RPTOR: variants seen among roughly 807,000 people sequenced by gnomAD.
RPTOR encodes the protein regulatory-associated protein of mTOR.
Under a neutral mutation model 169.9 loss-of-function variants are expected in RPTOR, and 21 were observed. The observed-to-expected ratio is 0.12, with a 90% CI of 0.09 to 0.18. The LOEUF (loss-of-function observed/expected upper bound fraction) is 0.18. RPTOR is among the 10% of genes least tolerant of loss of function. RPTOR has a pLI of 1.00. For missense variants in RPTOR, 1,133 were observed against 1,855.9 expected, an observed-to-expected ratio of 0.61 and a Z score of 7.16; for synonymous variants, 732 against 753.2, an observed-to-expected ratio of 0.97 and a Z score of 0.46.
At chr17:80,910,335 T>G (rs2068596869) in intron 21 of RPTOR, among the ~76,000 whole-genome samples, 3 of 152,186 alleles carry the variant, frequency 2.0e-5, no homozygotes, top group African/African-American at 7.2e-5. Context: ...AACAATTGTT[T>G]ACGGTATTTG....
At chr17:80,678,837 G>A (rs1474289918) in intron 3 of RPTOR, among the ~76,000 whole-genome samples, 4 of 152,194 alleles carry the variant, frequency 2.6e-5, no homozygotes, top group Non-Finnish European at 5.9e-5. Flanking sequence ...GCGTGGATTG[G>A]GGCCCTCCAG....
chr17:80,792,248 A>G (rs1027901971), intron 7 of RPTOR, among the ~76,000 whole-genome samples: 1 of 152,218 alleles, frequency 6.6e-6, no homozygotes, highest in African/African-American at 2.4e-5. Context: ...TCTAGAATTA[A>G]CATGCAAGAT....
At chr17:80,931,335 C>T (rs2068894711) in intron 24 of RPTOR, among the ~76,000 whole-genome samples, 1 of 152,228 alleles carries the variant, frequency 6.6e-6, no homozygotes, top group Admixed American at 6.5e-5. Flanking sequence ...ACCATGAGCA[C>T]CAGTTCCCTG....
chr17:80,855,731 C>T (rs17848633), intron 12 of RPTOR, among the ~76,000 whole-genome samples, 184 bp downstream of exon 12: 24,898 of 152,196 alleles, frequency 0.16, 2,529 homozygotes, highest in Non-Finnish European at 0.22. Context: ...ACTCTGTACC[C>T]GTGCAGCCTG....
At chr17:80,892,278 C>T (rs928800769) in intron 18 of RPTOR, among the ~76,000 whole-genome samples, 2 of 152,158 alleles carry the variant, frequency 1.3e-5, no homozygotes, top group African/African-American at 2.4e-5. Flanking sequence ...CAGCCCCTCC[C>T]GCTTCCACAC....
intron 6 of RPTOR, among the ~76,000 whole-genome samples, chr17:80,763,833 A>G (rs1229100694): frequency 6.6e-6 from 1 of 152,236 alleles, no homozygotes; most frequent in Non-Finnish European, 1.5e-5. Context: ...CTAAAATCTT[A>G]AAATCCTTGG....
chr17:80,890,549 G>T (rs1160239822), intron 17 of RPTOR, among the ~76,000 whole-genome samples: 1 of 145,768 alleles, frequency 6.9e-6, no homozygotes, highest in African/African-American at 2.5e-5. Context: ...GGAGGGGCGG[G>T]TGGAGGGTGA....
intron 28 of RPTOR, among the ~76,000 whole-genome samples, chr17:80,954,136 T>A (rs2069218285): frequency 6.6e-6 from 1 of 152,312 alleles, no homozygotes; most frequent in Non-Finnish European, 1.5e-5. Flanking sequence ...ATCTTTTTTC[T>A]TTTGAGACGG....
Position 80,545,870 on chromosome 17 carries a change from G to C in RPTOR, c.162+79G>C, listed in dbSNP as rs945514263. Reference sequence around the variant, plus strand: ...AGTTTACAGCCCGAAAAGTGTCCTTGGGAAAGCGCCGACATTTCCCCCTAG... The same window carrying C: ...AGTTTACAGCCCGAAAAGTGTCCTTCGGAAAGCGCCGACATTTCCCCCTAG... On this transcript the variant is annotated intron_variant, in intron 1 of 33. Transcript: ENST00000306801. 4.7e-6 allele frequency: 6 copies of C among 1,282,168 alleles called. No homozygotes were observed. The African/African-American group carries it at 9.1e-5, about 20-fold the overall frequency. 79.4% of individuals were successfully genotyped at this position (1,282,168 alleles called of 1,614,324 possible).
intron 2 of RPTOR, among the ~76,000 whole-genome samples, chr17:80,634,005 C>T (rs1369362377): frequency 2.0e-5 from 3 of 152,116 alleles, no homozygotes; most frequent in Non-Finnish European, 4.4e-5. Flanking sequence ...TTTGAACTGG[C>T]GTGCTATTGC....
At position 80,883,380 on chromosome 17, in the gene RPTOR, A is replaced by C. The variant is rs368090813; in HGVS notation, c.1585-39A>C. ...TTGTACTTTGGGAATGAGAGTTTCC[A>C]CTGAGGGGAGACGACCAGGACTGGT... is the stretch of plus-strand genomic sequence containing the variant. On this transcript the variant is annotated intron_variant, in intron 14 of 33. Transcript: ENST00000306801. 9 of 1,594,496 alleles carry C rather than the reference A, an allele frequency of 5.6e-6. No homozygotes were observed. The South Asian group carries it at 9.9e-5, about 18-fold the overall frequency.
Position 80,687,774 on chromosome 17 carries a change from G to A in RPTOR, c.349-20067G>A, listed in dbSNP as rs192563130. On this transcript the variant is annotated intron_variant, in intron 3 of 33. Transcript: ENST00000306801. ...AGCGTCCCTTCCCTGAGATGGAGGC[G>A]TAGCTTCACCGTGTAGTGTTTAAGC... 2.4e-4 allele frequency among the ~76,000 whole-genome samples: 37 copies of A among 152,340 alleles called. No homozygotes were observed. The East Asian group carries it at 4.8e-3, about 20-fold the overall frequency.
intron 2 of RPTOR, among the ~76,000 whole-genome samples, chr17:80,629,169 G>A (rs112567170): frequency 9.5e-5 from 11 of 115,630 alleles, no homozygotes; most frequent in Non-Finnish European, 1.8e-4. Flanking sequence ...GTGTGTCTCT[G>A]TCTTCTGGGA....
chr17:80,834,528 T>C (rs1001383105), intron 9 of RPTOR, among the ~76,000 whole-genome samples: 10 of 152,138 alleles, frequency 6.6e-5, no homozygotes, highest in Non-Finnish European at 1.3e-4. Context: ...TGGTCTGAAA[T>C]GTGGAGCTGG....
chr17:80,842,230 T>G (rs918627374), intron 10 of RPTOR, among the ~76,000 whole-genome samples: 45 of 152,384 alleles, frequency 3.0e-4, no homozygotes, highest in African/African-American at 1.0e-3. Flanking sequence ...TCTGTGATAT[T>G]GGTCCTCCCT....
intron 11 of RPTOR, among the ~76,000 whole-genome samples, chr17:80,854,651 C>T (rs1232082153): frequency 3.3e-5 from 5 of 152,224 alleles, no homozygotes; most frequent in Admixed American, 1.3e-4. Flanking sequence ...CCCTACACTT[C>T]GGGAGGCTGA....
chr17:80,870,174 A>T (rs763121960), intron 13 of RPTOR, among the ~76,000 whole-genome samples: 1 of 152,232 alleles, frequency 6.6e-6, no homozygotes, highest in Non-Finnish European at 1.5e-5. Context: ...AGTTGTGGTT[A>T]TGGTACCACC....
At chr17:80,685,499 C>T (rs1348443585) in intron 3 of RPTOR, among the ~76,000 whole-genome samples, 1 of 148,158 alleles carries the variant, frequency 6.7e-6, no homozygotes, top group African/African-American at 2.5e-5. Flanking sequence ...AACTTGAACT[C>T]CTGGGGTCAA....
intron 9 of RPTOR, among the ~76,000 whole-genome samples, chr17:80,829,538 A>G (rs2067480424): frequency 6.6e-6 from 1 of 152,218 alleles, no homozygotes; most frequent in Non-Finnish European, 1.5e-5. Flanking sequence ...CCAACCAGAC[A>G]GCGGCCTGTA....
Sources: allele counts gnomAD v4.1 joint callset (sites outside exome capture counted in the v4.1 genomes callset), GRCh38; gene constraint gnomAD v4.1.1; transcripts MANE v1.5; gene names NCBI Gene and HGNC (gene_info 2026-07-23, HGNC 2026-07-21).